The following ACIN1 variants were observed in gnomAD, a reference collection of about 807,000 sequenced individuals.
The protein encoded by ACIN1 is apoptotic chromatin condensation inducer 1.
Under a neutral mutation model 146.6 loss-of-function variants are expected in ACIN1, and 16 were observed. The observed-to-expected ratio is 0.11, with a 90% CI of 0.07 to 0.17. The LOEUF (loss-of-function observed/expected upper bound fraction) is 0.17, where lower values mean the gene tolerates loss of function less well. ACIN1 is among the 10% of genes least tolerant of loss of function. The pLI is 1.00. For missense variants in ACIN1, 1,357 were observed against 1,609.3 expected (o/e 0.84, Z 2.68); for synonymous variants, 569 against 582.7 (o/e 0.98, Z 0.34).
intron 10 of ACIN1, among the ~76,000 whole-genome samples, chr14:23,065,036 A>T (rs1046672314): frequency 6.6e-6 from 1 of 152,222 alleles, no homozygotes; most frequent in African/African-American, 2.4e-5. Context: ...CAGTAATATC[A>T]AGTAGTGTGG....
intron 4 of ACIN1, among the ~76,000 whole-genome samples, chr14:23,085,747 C>T (rs555512336): frequency 1.3e-5 from 2 of 152,268 alleles, no homozygotes; most frequent in South Asian, 4.1e-4. Flanking sequence ...GTGATATCTT[C>T]TATTATAAGA....
intron 8 of ACIN1, 86 bp from the exon 9 acceptor site, chr14:23,069,703 GA>G: frequency 7.7e-7 from 1 of 1,304,236 alleles, no homozygotes; most frequent in South Asian, 1.4e-5. Flanking sequence ...ACTGGGTCAG[GA>G]AACCCTCCTG....
chr14:23,070,020 GC>G (rs1307476071), intron 8 of ACIN1, among the ~76,000 whole-genome samples: 7 of 152,050 alleles, frequency 4.6e-5, no homozygotes, highest in Non-Finnish European at 7.4e-5. Context: ...CTGGCCAAAG[GC>G]ACCTTTATAT....
chr14:23,061,299 T>TTTCTTCTCACTC lies in ACIN1; in HGVS notation c.3411_3422dup (p.Ser1138_Lys1141dup). 1 of 1,613,820 alleles carries TTTCTTCTCACTC rather than the reference T, an allele frequency of 6.2e-7. No homozygotes were observed. The highest frequency in any genetic ancestry group is 8.5e-7 in the Non-Finnish European group (1 of 1,179,752). ...CGTACCCCATAGCTAAGTACCTACCTTTCTTCTCACTCTTCTTTTCTTTAG... is the reference window on the plus strand; with the variant it reads ...CGTACCCCATAGCTAAGTACCTACCTTTCTTCTCACTCTTCTTCTCACTCTTCTTTTCTTTAG... On this transcript the variant is annotated inframe_insertion and splice_region_variant, in exon 17 of 19. Coordinates refer to ENST00000605057, the MANE Select transcript of ACIN1 (RefSeq NM_001386863.1).
In ACIN1 at chr14:23,061,280, C is replaced by T. The variant is rs2139990601; in HGVS notation, c.3424+18G>A. 6 of 1,613,764 alleles carry T rather than the reference C, an allele frequency of 3.7e-6. No individual in the cohort carries two copies. Among genetic ancestry groups the T allele is most frequent in the Non-Finnish European group, 4.2e-6 (5 of 1,179,728 alleles). On this transcript the variant is annotated intron_variant, in intron 17 of 18. Coordinates refer to ENST00000605057, the MANE Select transcript of ACIN1 (RefSeq NM_001386863.1). ...CCACCTACTAGTGGGTATGCGTACCCCATAGCTAAGTACCTACCTTTCTTC... is the reference window on the plus strand; with the variant it reads ...CCACCTACTAGTGGGTATGCGTACCTCATAGCTAAGTACCTACCTTTCTTC...
chr14:23,063,203 A>G, intron 13 of ACIN1, 129 bp from the exon 14 acceptor site: 1 of 1,183,292 alleles, frequency 8.5e-7, no homozygotes, highest in Non-Finnish European at 1.2e-6. Context: ...CGTGCAGAGC[A>G]CCTATAATCT....
chr14:23,060,969 C>A lies in ACIN1; in HGVS notation c.3525+115G>T, dbSNP rs2047261071. 31 of 981,028 alleles carry A rather than the reference C, an allele frequency of 3.2e-5. No individual in the cohort carries two copies. The South Asian group carries it at 4.3e-4, about 14-fold the overall frequency. The allele number at this position is 981,028 out of a possible 1,614,324, so 60.8% of individuals were successfully genotyped here. A position where few individuals can be genotyped will look rare whatever the true frequency, so the allele number is the denominator to read the frequency against. ...TGCCTTTTTGTGATGCTTAGTTTAT[C>A]CTAAACCTAGGAAGTACTTGGGCCG... is the stretch of plus-strand genomic sequence containing the variant. On this transcript the variant is annotated intron_variant, in intron 18 of 18. Coordinates refer to ENST00000605057, the MANE Select transcript of ACIN1 (RefSeq NM_001386863.1).
intron 8 of ACIN1, among the ~76,000 whole-genome samples, chr14:23,074,608 A>T (rs1418304319): frequency 6.6e-6 from 1 of 152,160 alleles, no homozygotes; most frequent in Non-Finnish European, 1.5e-5. Context: ...AACTGTCCCC[A>T]AAATGGACTC....
rs201565553 is a variant in ACIN1, at chr14:23,079,638, C to T, written c.1697G>A (p.Arg566His). Residue 566 changes from arginine (R) to histidine (H), a missense_variant, in exon 6 of 19, where the codon CGT becomes CAT. Transcript: ENST00000605057. ...VAQARTHANPRGRPKMGSRST... is the reference protein window; with the variant it reads ...VAQARTHANPHGRPKMGSRST... ...TCTGGAGCCCATCTTGGGTCTACCA[C>T]GAGGGTTGGCATGAGTACGTGCCTG... 1.3e-4 allele frequency: 217 copies of T among 1,613,982 alleles called. No homozygotes were observed. Among genetic ancestry groups the T allele is most frequent in the Middle Eastern group, 6.6e-4 (4 of 6,084 alleles).
intron 4 of ACIN1, among the ~76,000 whole-genome samples, 164 bp downstream of exon 4, chr14:23,089,818 T>C (rs1399504277): frequency 6.6e-6 from 1 of 152,146 alleles, no homozygotes; most frequent in African/African-American, 2.4e-5. Flanking sequence ...GAAAGCAGAC[T>C]TCAAAAAGGG....
rs761922667 is a variant in ACIN1 at position 23,079,891 on chromosome 14, T to C, written c.1444A>G (p.Lys482Glu). 17 of 1,614,082 alleles carry C rather than the reference T, an allele frequency of 1.1e-5. No individual in the cohort carries two copies. The highest frequency in any genetic ancestry group is 2.2e-5 in the East Asian group (1 of 44,894). Residue 482 changes from lysine (K) to glutamate (E), a missense_variant, in exon 6 of 19, where the codon AAA becomes GAA. This residue lies in a region of ACIN1 where 771 missense variants were observed against 746.6 expected (regional missense o/e 1.03). Coordinates refer to ENST00000605057, the MANE Select transcript of ACIN1 (RefSeq NM_001386863.1). ...PLKIEELALAKGITEECLKQP... is the reference protein window; with the variant it reads ...PLKIEELALAEGITEECLKQP... ...TTCAGACATTCTTCAGTGATTCCTT[T>C]GGCCAGTGCTAATTCCTCAATTTTT...
intron 10 of ACIN1, 64 bp from the exon 11 acceptor site, chr14:23,064,552 A>AT: frequency 6.3e-7 from 1 of 1,585,116 alleles, no homozygotes; most frequent in South Asian, 1.1e-5. Flanking sequence ...TCAAACCGTA[A>AT]TACCTACAGG....
At chr14:23,084,626 A>AC in intron 4 of ACIN1, among the ~76,000 whole-genome samples, 2 of 151,924 alleles carry the variant, frequency 1.3e-5, no homozygotes, top group South Asian at 4.1e-4. Flanking sequence ...GAAAAAAAAA[A>AC]AAAAAAACCC....
chr14:23,059,506 C>G, intron 18 of ACIN1, 32 bp from the exon 19 acceptor site: 1 of 1,569,668 alleles, frequency 6.4e-7, no homozygotes, highest in Non-Finnish European at 8.8e-7. Flanking sequence ...AGAGAATAGG[C>G]AGCTCAGTCC....
chr14:23,080,881 G>A, intron 5 of ACIN1, 72 bp from the exon 6 acceptor site: 1 of 1,522,106 alleles, frequency 6.6e-7, no homozygotes, highest in South Asian at 1.3e-5. Flanking sequence ...AGTATCTAAT[G>A]AAGACACCCC....
At chr14:23,094,688 A>C (rs572203189) in intron 1 of ACIN1, 147 of 691,798 alleles carry the variant, frequency 2.1e-4, no homozygotes, top group South Asian at 1.1e-3. Context: ...GAAACCACAG[A>C]TACAAACAAG....
chr14:23,076,573 C>T (rs2047807134), intron 8 of ACIN1: 2 of 152,154 alleles, frequency 1.3e-5, no homozygotes, highest in South Asian at 4.1e-4. Flanking sequence ...AATAAAATGC[C>T]TTTCTGTTGC....
chr14:23,064,211 A>G lies in ACIN1; in HGVS notation c.2489T>C (p.Val830Ala). The change falls in exon 12 of 19, where the codon GTG becomes GCG. Residue 830 changes from valine to alanine, a missense_variant. Physicochemically the swap from Val to Ala is moderately conservative, Grantham distance 64. Around this residue, in one of 4 missense-constraint regions of ACIN1, gnomAD observed 509 missense variants for 719.6 expected, o/e 0.71. Transcript: ENST00000605057. ...IKPLAGQEAV[V>A]DLHADDSRIS... ...GCGAGAGTCATCAGCATGAAGATCC[A>G]CAACAGCCTCCTGCCCCGCCAGGGG... The G allele has an allele frequency of 1.9e-6, 3 of 1,614,132 alleles. No homozygotes were observed. The highest frequency in any genetic ancestry group is 2.5e-6 in the Non-Finnish European group (3 of 1,180,030).
intron 18 of ACIN1, 24 bp downstream of exon 18, chr14:23,061,060 C>T (rs751749052): frequency 6.2e-7 from 1 of 1,606,718 alleles, no homozygotes; most frequent in South Asian, 1.1e-5. Context: ...CACTAGGGAG[C>T]AGGGCACGAA....
Sources: gnomAD v4.1 joint callset for allele counts (sites outside exome capture counted in the v4.1 genomes callset) on GRCh38, gnomAD v4.1.1 for gene constraint, gnomAD v4.1.1 regional missense constraint, MANE v1.5 for transcripts, NCBI Gene and HGNC (gene_info 2026-07-23, HGNC 2026-07-21) for gene names.